Variants in RGS12 observed in about 807,000 individuals in gnomAD.
RGS12 encodes the protein regulator of G-protein signaling 12.
In RGS12, 66 loss-of-function variants were observed where a neutral mutation model predicts 120.1. The observed-to-expected ratio is 0.55, with a 90% CI of 0.45 to 0.67. RGS12 has a LOEUF of 0.67. Among genes scored for constraint, RGS12 ranks in the 30% least tolerant of loss-of-function variants. The probability of loss-of-function intolerance (pLI) is 0.00; values close to 1 mark genes in which losing one functional copy is unlikely to be tolerated. For synonymous variants in RGS12, 827 were observed against 804.7 expected (o/e 1.03, Z -0.47); for missense variants, 1,859 against 1,957.7 (o/e 0.95, Z 0.95).
the RGS12 span, among the ~76,000 whole-genome samples, chr4:3,287,178 C>T: frequency 6.6e-6 from 1 of 152,148 alleles, no homozygotes; most frequent in Non-Finnish European, 1.5e-5. Flanking sequence ...TGCAGAGCCC[C>T]GGGAGGGCGG....
At chr4:3,310,066 G>C (rs185116764) in intron 1 of RGS12, among the ~76,000 whole-genome samples, 1 of 108,648 alleles carries the variant, frequency 9.2e-6, no homozygotes. Flanking sequence ...GGAACCGTGT[G>C]GGGGAGGAGC....
chr4:3,425,391 G>C, intron 13 of RGS12, 73 bp from the exon 14 acceptor site: 1 of 1,314,554 alleles, frequency 7.6e-7, no homozygotes, highest in Non-Finnish European at 1.1e-6. Flanking sequence ...TCATGCAGTC[G>C]GGTGGGATCA....
chr4:3,302,667 G>A (rs1267911112), intron 1 of RGS12, among the ~76,000 whole-genome samples: 1 of 152,214 alleles, frequency 6.6e-6, no homozygotes, highest in African/African-American at 2.4e-5. Flanking sequence ...TGACGTCTCT[G>A]TGCATGAGAA....
chr4:3,417,743 G>T (rs913524641), intron 9 of RGS12: 46 of 591,382 alleles, frequency 7.8e-5, no homozygotes, highest in Non-Finnish European at 1.3e-4. Flanking sequence ...GAGGGCAGCA[G>T]GGCTGCTCCA....
At chr4:3,361,279 T>C (rs2108841612) in intron 3 of RGS12, among the ~76,000 whole-genome samples, 1 of 152,318 alleles carries the variant, frequency 6.6e-6, no homozygotes, top group East Asian at 1.9e-4. Flanking sequence ...GGAACATGGT[T>C]CTGCTTTTCA....
chr4:3,390,375 A>G lies in RGS12; in HGVS notation c.2020+3938A>G, dbSNP rs1719360913. Among the ~76,000 whole-genome samples, 1 of 152,204 alleles carries G rather than the reference A, an allele frequency of 6.6e-6. No homozygotes were observed. The highest frequency in any genetic ancestry group is 1.5e-5 in the Non-Finnish European group (1 of 68,040). Reference sequence around the variant, plus strand: ...CCCGGCACCCGGCACAGCGGCTGGCACGAGAGCTGTCTGTTGAGTGAATGA... The same window carrying G: ...CCCGGCACCCGGCACAGCGGCTGGCGCGAGAGCTGTCTGTTGAGTGAATGA... On this transcript the variant is annotated intron_variant, in intron 4 of 17. Coordinates refer to ENST00000336727, the MANE Select transcript of RGS12 (RefSeq NM_001394154.1). The surrounding 1 kb of genome is among the most constrained non-coding windows in gnomAD (Gnocchi z 4.6).
At chr4:3,427,950 C>T in intron 14 of RGS12, 140 bp from the exon 15 acceptor site, 1 of 800,426 alleles carries the variant, frequency 1.2e-6, no homozygotes, top group Non-Finnish European at 2.2e-6. Context: ...CCCCTCAGGG[C>T]TGTGCGTGGT....
Position 3,416,071 on chromosome 4 carries a change from G to A in RGS12, c.2377G>A (p.Asp793Asn), listed in dbSNP as rs763970709. 8.7e-6 allele frequency: 14 copies of A among 1,613,948 alleles called. No individual in the cohort carries two copies. Among genetic ancestry groups the A allele is most frequent in the Middle Eastern group, 1.6e-4 (1 of 6,084 alleles). ...CGACAGCCAGGCCCAGCTAGCAGAC[G>A]ACGTCCTCCGCGCACCTCACCCAGA... ...NIDSQAQLAD[D>N]VLRAPHPDMF... is the part of the protein sequence containing the mutation. The change falls in exon 7 of 18, where the codon GAC becomes AAC. Residue 793 changes from aspartate to asparagine, a missense_variant. Asp to Asn is a conservative substitution (Grantham distance 23, BLOSUM62 1). Around this residue, in one of 3 missense-constraint regions of RGS12, gnomAD observed 375 missense variants for 475.0 expected, o/e 0.79. Coordinates refer to ENST00000336727, the MANE Select transcript of RGS12 (RefSeq NM_001394154.1).
chr4:3,302,831 G>T (rs1483137093), intron 1 of RGS12, among the ~76,000 whole-genome samples: 1 of 152,108 alleles, frequency 6.6e-6, no homozygotes, highest in African/African-American at 2.4e-5. Flanking sequence ...AGTCGTGGGG[G>T]GAGGAGAGAG....
chr4:3,314,146 A>G (rs1305463936), intron 1 of RGS12: 1 of 151,814 alleles, frequency 6.6e-6, no homozygotes, highest in East Asian at 1.9e-4. Flanking sequence ...TGAGTAATGT[A>G]ATTTATATTC....
intron 14 of RGS12, 30 bp from the exon 15 acceptor site, chr4:3,428,060 C>T (rs1397121408): frequency 1.9e-6 from 3 of 1,600,168 alleles, no homozygotes; most frequent in African/African-American, 2.7e-5. Flanking sequence ...TTTGCGAGTC[C>T]CTGAAGTCAT....
At chr4:3,392,798 G>A (rs1025657209) in intron 4 of RGS12, among the ~76,000 whole-genome samples, 11 of 152,210 alleles carry the variant, frequency 7.2e-5, no homozygotes, top group African/African-American at 2.2e-4. Context: ...AGACCACCCC[G>A]GCCAACATGG....
chr4:3,377,190 G>GC (rs1238935744), intron 3 of RGS12, among the ~76,000 whole-genome samples: 1 of 151,944 alleles, frequency 6.6e-6, no homozygotes, highest in Non-Finnish European at 1.5e-5. Flanking sequence ...TCCTGCCTCA[G>GC]CCCCCCAAGT....
intron 17 of RGS12, among the ~76,000 whole-genome samples, chr4:3,438,110 CT>C (rs1385948123): frequency 6.6e-6 from 1 of 152,148 alleles, no homozygotes; most frequent in Non-Finnish European, 1.5e-5. Context: ...CAGGGACCCC[CT>C]GTCCCTGGTT....
chr4:3,324,212 C>A (rs78455503), intron 2 of RGS12: 5,832 of 153,692 alleles, frequency 0.038, 292 homozygotes, highest in African/African-American at 0.12. Flanking sequence ...CCTCGTCAGG[C>A]CTTCCCTTGA....
intron 4 of RGS12, among the ~76,000 whole-genome samples, chr4:3,395,567 A>T (rs1338783810): frequency 6.6e-6 from 1 of 152,244 alleles, no homozygotes; most frequent in African/African-American, 2.4e-5. Flanking sequence ...CTAGCAGTAT[A>T]TAAGAATTCT....
At chr4:3,293,315 C>CGGGGCGGGGCG (rs1553925678) in intron 1 of RGS12, among the ~76,000 whole-genome samples, 2 of 136,350 alleles carry the variant, frequency 1.5e-5, no homozygotes, top group African/African-American at 5.5e-5. Flanking sequence ...CGGGGCGGGG[C>CGGGGCGGGGCG]GGGGCGGGGG....
At position 3,429,581 on chromosome 4, in the gene RGS12, A is replaced by G. The variant is rs139557307; in HGVS notation, c.3566-826A>G. 2.9e-3 allele frequency among the ~76,000 whole-genome samples: 442 copies of G among 152,336 alleles called. 2 individuals carry two copies. Among genetic ancestry groups the G allele is most frequent in the Middle Eastern group, 0.024 (7 of 294 alleles). ...GTTAAAAACTCCGAGTATAATTCCA[A>G]TGCTAGAGAAAGCCCAGTTTAGACG... On this transcript the variant is annotated intron_variant, in intron 16 of 17. Coordinates refer to ENST00000336727, the MANE Select transcript of RGS12 (RefSeq NM_001394154.1).
At chr4:3,332,360 A>G (rs892526646) in intron 2 of RGS12, among the ~76,000 whole-genome samples, 2 of 152,148 alleles carry the variant, frequency 1.3e-5, no homozygotes, top group East Asian at 1.9e-4. Context: ...ACTTCATGTT[A>G]TTTCAGTGGT....
Sources: gnomAD v4.1 joint callset for allele counts (sites outside exome capture counted in the v4.1 genomes callset) on GRCh38, gnomAD v4.1.1 for gene constraint, gnomAD v4.1.1 regional missense constraint, Gnocchi (gnomAD v3.1) non-coding constraint, MANE v1.5 for transcripts, NCBI Gene and HGNC (gene_info 2026-07-23, HGNC 2026-07-21) for gene names.